Variants in EML6 observed in about 807,000 individuals in gnomAD.
EML6 encodes echinoderm microtubule-associated protein-like 6.
A neutral mutation model predicts 240.1 loss-of-function variants in EML6; 154 were observed. That is an observed-to-expected ratio of 0.64 (90% CI 0.56 to 0.73). The LOEUF (loss-of-function observed/expected upper bound fraction) is 0.73. Among genes scored for constraint, EML6 ranks in the 30% least tolerant of loss-of-function variants. The pLI is 0.00. For missense variants in EML6, 2,964 were observed against 2,474.6 expected (o/e 1.20, Z -4.20); for synonymous variants, 1,148 against 899.0 (o/e 1.28, Z -4.95).
intron 3 of EML6, 98 bp downstream of exon 3, chr2:54,813,489 T>A (rs1470946735): frequency 6.7e-6 from 7 of 1,052,622 alleles, no homozygotes; most frequent in Non-Finnish European, 6.9e-6. Context: ...CATCAACCCT[T>A]GCTGGTTCTT....
At chr2:54,946,672 C>G (rs551075952) in intron 28 of EML6, among the ~76,000 whole-genome samples, 2 of 152,222 alleles carry the variant, frequency 1.3e-5, no homozygotes, top group South Asian at 4.1e-4. Flanking sequence ...AGGGAATTGT[C>G]AAGTAAGTAT....
intron 2 of EML6, among the ~76,000 whole-genome samples, chr2:54,797,430 A>G (rs1251147835): frequency 6.6e-6 from 1 of 152,264 alleles, no homozygotes; most frequent in Non-Finnish European, 1.5e-5. Context: ...TGCTTAGGAT[A>G]CACCTTAAAC....
chr2:54,929,080 A>C (rs1674717864), intron 28 of EML6, among the ~76,000 whole-genome samples: 1 of 152,220 alleles, frequency 6.6e-6, no homozygotes, highest in Non-Finnish European at 1.5e-5. Context: ...GCTGACAGGA[A>C]AGCCTGCTGA....
Position 54,816,883 on chromosome 2 carries a change from A to G in EML6, c.454A>G (p.Arg152Gly). ...LLASATGHSDRIFDISWDPYQ... is the reference protein window; with the variant it reads ...LLASATGHSDGIFDISWDPYQ... The stretch of plus-strand genomic sequence containing the variant: ...GGCGTCAGCCACCGGCCATTCTGAC[A>G]GGGTAAGAACTTGTTGGATCAAGCT... Residue 152 changes from arginine (R) to glycine (G), a missense_variant and splice_region_variant, in exon 4 of 42, where the codon AGG becomes GGG. Arg to Gly is a moderately radical substitution (Grantham distance 125). Coordinates refer to ENST00000356458, the MANE Select transcript of EML6 (RefSeq NM_001039753.4). 1 of 1,547,768 alleles carries G rather than the reference A, an allele frequency of 6.5e-7. No individual in the cohort carries two copies. Among genetic ancestry groups the G allele is most frequent in the African/African-American group, 1.4e-5 (1 of 73,106 alleles).
chr2:54,828,537 G>A (rs1376778310), intron 6 of EML6, among the ~76,000 whole-genome samples: 1 of 152,182 alleles, frequency 6.6e-6, no homozygotes, highest in Non-Finnish European at 1.5e-5. Flanking sequence ...CCCTTAATAT[G>A]AAGAAAAGTT....
At chr2:54,735,377 G>A (rs933717554) in intron 2 of EML6, among the ~76,000 whole-genome samples, 2 of 152,218 alleles carry the variant, frequency 1.3e-5, no homozygotes, top group East Asian at 1.9e-4. Flanking sequence ...TTTGGAAGGA[G>A]CAAGGTGTGG....
intron 2 of EML6, among the ~76,000 whole-genome samples, chr2:54,748,608 G>A (rs759764540): frequency 1.3e-5 from 2 of 152,074 alleles, no homozygotes; most frequent in East Asian, 1.9e-4. Context: ...AGCCTACACT[G>A]GAGTGCAGTG....
At chr2:54,726,014 G>T (rs1233381141) in intron 2 of EML6, among the ~76,000 whole-genome samples, 1 of 152,184 alleles carries the variant, frequency 6.6e-6, no homozygotes, top group East Asian at 1.9e-4. Flanking sequence ...ATGGAAAGGG[G>T]TTATATTGTG....
chr2:54,918,246 C>G (rs752674965), intron 26 of EML6, among the ~76,000 whole-genome samples: 1 of 152,138 alleles, frequency 6.6e-6, no homozygotes, highest in Admixed American at 6.6e-5. Context: ...TTCACAATCC[C>G]GAGTTCTAAA....
At chr2:54,871,180 G>A (rs1048874646) in intron 15 of EML6, among the ~76,000 whole-genome samples, 3 of 152,258 alleles carry the variant, frequency 2.0e-5, no homozygotes, top group East Asian at 3.9e-4. Flanking sequence ...CTTGTGTCGA[G>A]CTGGGAAGGC....
intron 2 of EML6, among the ~76,000 whole-genome samples, chr2:54,737,544 T>C (rs567567284): frequency 6.6e-6 from 1 of 152,254 alleles, no homozygotes; most frequent in East Asian, 1.9e-4. Context: ...ATAATGCATG[T>C]GTTTTATGTG....
intron 26 of EML6, among the ~76,000 whole-genome samples, chr2:54,917,853 G>C (rs1387688742): frequency 6.6e-6 from 1 of 152,078 alleles, no homozygotes; most frequent in Non-Finnish European, 1.5e-5. Context: ...CTTAAGCACA[G>C]TCCAGTTTAT....
At chr2:54,968,639 T>A in intron 40 of EML6, 29 bp from the exon 41 acceptor site, 1 of 1,358,618 alleles carries the variant, frequency 7.4e-7, no homozygotes, top group Non-Finnish European at 1.0e-6. Context: ...CAGGGTCTCT[T>A]AGCTGTCTCC....
At chr2:54,954,213 CT>C in intron 32 of EML6, 57 bp downstream of exon 32, 1 of 1,481,730 alleles carries the variant, frequency 6.7e-7, no homozygotes, top group Non-Finnish European at 9.1e-7. Flanking sequence ...GGTGTCGAGC[CT>C]GTGGGCTCGA....
chr2:54,847,713 G>T (rs1407303058), intron 9 of EML6, 90 bp downstream of exon 9: 10 of 1,401,730 alleles, frequency 7.1e-6, no homozygotes, highest in Non-Finnish European at 9.6e-6. Flanking sequence ...AGGACCTTAG[G>T]AAAAATCCAT....
intron 21 of EML6, among the ~76,000 whole-genome samples, chr2:54,895,852 G>A (rs1181833185): frequency 6.6e-6 from 1 of 152,100 alleles, no homozygotes; most frequent in Non-Finnish European, 1.5e-5. Context: ...TTGCCACATA[G>A]GGTTTCCCAA....
chr2:54,729,643 A>G (rs1281044461), intron 2 of EML6, among the ~76,000 whole-genome samples: 1 of 152,182 alleles, frequency 6.6e-6, no homozygotes, highest in African/African-American at 2.4e-5. Context: ...GTCTGATTCC[A>G]AAGCTGCAAG....
At chr2:54,753,757 C>T (rs919664771) in intron 2 of EML6, among the ~76,000 whole-genome samples, 1 of 151,430 alleles carries the variant, frequency 6.6e-6, no homozygotes, top group African/African-American at 2.4e-5. Flanking sequence ...CCTCGAACTC[C>T]AGGCCTCAAG....
intron 2 of EML6, among the ~76,000 whole-genome samples, chr2:54,800,799 G>A (rs1270286498): frequency 6.6e-6 from 1 of 152,074 alleles, no homozygotes; most frequent in African/African-American, 2.4e-5. Context: ...GGAGGCAGAG[G>A]TGTTACTTAC....
Sources: allele counts gnomAD v4.1 joint callset (sites outside exome capture counted in the v4.1 genomes callset), GRCh38; gene constraint gnomAD v4.1.1; transcripts MANE v1.5; gene names NCBI Gene and HGNC (gene_info 2026-07-23, HGNC 2026-07-21).